PLPPR1: variants seen among roughly 807,000 people sequenced by gnomAD.
PLPPR1 encodes the protein phospholipid phosphatase-related protein type 1.
A neutral mutation model predicts 33.1 loss-of-function variants in PLPPR1; 10 were observed. The observed-to-expected ratio is 0.30, with a 90% CI of 0.19 to 0.51. PLPPR1 has a LOEUF of 0.51. PLPPR1 is among the 20% of genes least tolerant of loss of function. The probability of loss-of-function intolerance (pLI) is 0.97; values close to 1 mark genes in which losing one functional copy is unlikely to be tolerated. For missense variants in PLPPR1, 304 were observed against 408.1 expected (o/e 0.74, Z 2.20); for synonymous variants, 151 against 151.0 (o/e 1.00, Z 0.00).
chr9:101,271,280 C>T (rs1828095279), intron 3 of PLPPR1, among the ~76,000 whole-genome samples: 1 of 152,176 alleles, frequency 6.6e-6, no homozygotes. Context: ...AAAATAAGGA[C>T]AACTGAATGC....
intron 1 of PLPPR1, among the ~76,000 whole-genome samples, chr9:101,129,690 G>A (rs1018431013): frequency 1.3e-5 from 2 of 152,174 alleles, no homozygotes; most frequent in South Asian, 2.1e-4. Flanking sequence ...AAATAGCCAG[G>A]TGTGGTGGCG....
chr9:101,193,771 T>C (rs1826343597), intron 2 of PLPPR1, among the ~76,000 whole-genome samples: 1 of 152,176 alleles, frequency 6.6e-6, no homozygotes, highest in East Asian at 1.9e-4. Context: ...AGGAGCTAAT[T>C]GATTTACTTA....
At chr9:101,087,873 C>A (rs1465995361) in intron 1 of PLPPR1, among the ~76,000 whole-genome samples, 1 of 152,068 alleles carries the variant, frequency 6.6e-6, no homozygotes, top group Non-Finnish European at 1.5e-5. Flanking sequence ...ATGTTTCTTC[C>A]ACAAATGAAA....
chr9:101,230,332 T>G (rs946347440), intron 2 of PLPPR1, among the ~76,000 whole-genome samples: 3 of 151,284 alleles, frequency 2.0e-5, no homozygotes, highest in Non-Finnish European at 3.0e-5. Context: ...CAGAAGCACA[T>G]TTTTGATTGT....
chr9:101,238,878 T>C (rs190284280), intron 2 of PLPPR1, among the ~76,000 whole-genome samples: 4 of 151,796 alleles, frequency 2.6e-5, no homozygotes, highest in African/African-American at 4.8e-5. Flanking sequence ...AACCAACCTC[T>C]CTTTATCCTC....
intron 2 of PLPPR1, among the ~76,000 whole-genome samples, chr9:101,229,442 T>C (rs571307134): frequency 3.9e-4 from 59 of 152,070 alleles, no homozygotes; most frequent in Middle Eastern, 3.4e-3. Flanking sequence ...CCAATACATA[T>C]AAAATGCAAA....
chr9:101,130,844 G>A (rs908258030), intron 1 of PLPPR1, among the ~76,000 whole-genome samples: 8 of 152,156 alleles, frequency 5.3e-5, no homozygotes, highest in Admixed American at 1.3e-4. Flanking sequence ...TAAACTGGTC[G>A]AGAAGTACTT....
chr9:101,317,985 C>T (rs1829086066), intron 7 of PLPPR1, among the ~76,000 whole-genome samples: 1 of 152,280 alleles, frequency 6.6e-6, no homozygotes, highest in East Asian at 1.9e-4. Context: ...CAGAACCTTG[C>T]ATCATACCAG....
chr9:101,136,733 G>A (rs1055095890), intron 1 of PLPPR1, among the ~76,000 whole-genome samples: 1 of 152,166 alleles, frequency 6.6e-6, no homozygotes, highest in Admixed American at 6.5e-5. Flanking sequence ...TACCTGGCTT[G>A]CAGCATCTGG....
intron 1 of PLPPR1, among the ~76,000 whole-genome samples, chr9:101,075,015 TCATGGACAACAG>T (rs1830519883): frequency 6.6e-6 from 1 of 152,180 alleles, no homozygotes; most frequent in South Asian, 2.1e-4. Context: ...AAATAAATTT[TCATGGACAACAG>T]TTGCGGGAAA....
intron 1 of PLPPR1, among the ~76,000 whole-genome samples, chr9:101,083,739 G>A (rs1050572408): frequency 4.6e-5 from 7 of 152,158 alleles, no homozygotes; most frequent in African/African-American, 9.7e-5. Context: ...GAGGAATGCC[G>A]CATTGAATAC....
At chr9:101,305,194 A>G (rs1349842884) in intron 4 of PLPPR1, among the ~76,000 whole-genome samples, 1 of 150,724 alleles carries the variant, frequency 6.6e-6, no homozygotes. Flanking sequence ...TGAGTTTTCC[A>G]TGAGGTAAAA....
intron 2 of PLPPR1, among the ~76,000 whole-genome samples, chr9:101,201,897 A>C (rs1464967939): frequency 6.6e-6 from 1 of 152,212 alleles, no homozygotes; most frequent in Non-Finnish European, 1.5e-5. Flanking sequence ...CTCAAGTGAA[A>C]GCTCAAAGGG....
At chr9:101,302,720 T>C (rs1459129704) in intron 4 of PLPPR1, among the ~76,000 whole-genome samples, 1 of 152,116 alleles carries the variant, frequency 6.6e-6, no homozygotes, top group Non-Finnish European at 1.5e-5. Flanking sequence ...TACTTTTCTG[T>C]GTGGGATAAG....
At chr9:101,166,809 C>T (rs1051764990) in intron 1 of PLPPR1, among the ~76,000 whole-genome samples, 6 of 151,978 alleles carry the variant, frequency 3.9e-5, no homozygotes, top group African/African-American at 1.4e-4. Context: ...GTTGGTTTAG[C>T]CCCACTATGC....
chr9:101,178,620 C>T (rs1394465104), intron 1 of PLPPR1, among the ~76,000 whole-genome samples: 2 of 152,124 alleles, frequency 1.3e-5, no homozygotes, highest in Admixed American at 6.6e-5. Context: ...ACTGGTCTTA[C>T]CATGTACCCT....
At chr9:101,309,897 T>C (rs1828926011) in intron 5 of PLPPR1, among the ~76,000 whole-genome samples, 1 of 152,128 alleles carries the variant, frequency 6.6e-6, no homozygotes, top group South Asian at 2.1e-4. Flanking sequence ...GCATGGGCCT[T>C]ATATGAATGA....
At chr9:101,146,618 C>A (rs776465495) in intron 1 of PLPPR1, among the ~76,000 whole-genome samples, 2 of 152,162 alleles carry the variant, frequency 1.3e-5, no homozygotes, top group African/African-American at 4.8e-5. Context: ...CAAGCAAGTT[C>A]CAAGCACGAA....
At chr9:101,207,393 A>C (rs1299475835) in intron 2 of PLPPR1, among the ~76,000 whole-genome samples, 1 of 152,218 alleles carries the variant, frequency 6.6e-6, no homozygotes, top group African/African-American at 2.4e-5. Flanking sequence ...AGCTGTCTTC[A>C]AACCCTTTAT....
Sources: gnomAD v4.1 joint callset for allele counts (sites outside exome capture counted in the v4.1 genomes callset) on GRCh38, gnomAD v4.1.1 for gene constraint, MANE v1.5 for transcripts, NCBI Gene and HGNC (gene_info 2026-07-23, HGNC 2026-07-21) for gene names.